The following PXK variants were observed in gnomAD, a reference collection of about 807,000 sequenced individuals.
The protein encoded by PXK is PX domain containing serine/threonine kinase like.
A neutral mutation model predicts 84.7 loss-of-function variants in PXK; 35 were observed. The observed-to-expected ratio is 0.41, with a 90% CI of 0.32 to 0.55. The LOEUF (loss-of-function observed/expected upper bound fraction) is 0.55, where lower values mean the gene tolerates loss of function less well. Among genes scored for constraint, PXK ranks in the 20% least tolerant of loss-of-function variants. The probability of loss-of-function intolerance (pLI) is 0.21; values close to 1 mark genes in which losing one functional copy is unlikely to be tolerated. For synonymous variants in PXK, 253 were observed against 260.8 expected, an observed-to-expected ratio of 0.97 and a Z score of 0.29; for missense variants, 634 against 699.7, an observed-to-expected ratio of 0.91 and a Z score of 1.06.
chr3:58,358,415 A>ACTAAGCGCACT (rs1332319325), intron 1 of PXK, among the ~76,000 whole-genome samples: 1 of 152,208 alleles, frequency 6.6e-6, no homozygotes, highest in Non-Finnish European at 1.5e-5. Context: ...GCTACCAGTA[A>ACTAAGCGCACT]CTAAGCGCAC....
chr3:58,336,071 A>ATATATATAT (rs1284780630), intron 1 of PXK, among the ~76,000 whole-genome samples: 27 of 51,576 alleles, frequency 5.2e-4, no homozygotes, highest in South Asian at 6.3e-4. Context: ...ATATATATAT[A>ATATATATAT]TTTTTTTTTT....
intron 3 of PXK, among the ~76,000 whole-genome samples, chr3:58,378,512 T>TTTG (rs763961222): frequency 1.0e-4 from 3 of 29,102 alleles, no homozygotes; most frequent in African/African-American, 4.0e-4. Flanking sequence ...TTTTTTTTTT[T>TTTG]TGTGTGTGTG....
chr3:58,383,216 C>T lies in PXK; in HGVS notation c.388+516C>T, dbSNP rs1339165932. Among the ~76,000 whole-genome samples, 1 of 152,038 alleles carries T rather than the reference C, an allele frequency of 6.6e-6. No homozygotes were observed. Among genetic ancestry groups the T allele is most frequent in the Non-Finnish European group, 1.5e-5 (1 of 67,992 alleles). Reference sequence around the variant, plus strand: ...CTGAGGCAGGAGAATCGCTTGAACCCGGGAGGTGGAGGTTGCAGTGAGCCG... The same window carrying T: ...CTGAGGCAGGAGAATCGCTTGAACCTGGGAGGTGGAGGTTGCAGTGAGCCG... On this transcript the variant is annotated intron_variant, in intron 4 of 17. Transcript: ENST00000356151. The surrounding 1 kb of genome is among the most constrained non-coding windows in gnomAD (Gnocchi z 4.0).
chr3:58,366,656 G>A (rs1387090346), intron 2 of PXK, among the ~76,000 whole-genome samples: 1 of 152,106 alleles, frequency 6.6e-6, no homozygotes, highest in Non-Finnish European at 1.5e-5. Flanking sequence ...ACACACAGTT[G>A]TCCACACTTG....
chr3:58,404,029 AAATGTCCT>A (rs1329599239), intron 13 of PXK, 119 bp downstream of exon 13: 2 of 548,882 alleles, frequency 3.6e-6, no homozygotes, highest in African/African-American at 3.8e-5. Context: ...GAAATAACCT[AAATGTCCT>A]ACAATTAGGG....
At chr3:58,335,020 TG>T (rs1401973607) in intron 1 of PXK, among the ~76,000 whole-genome samples, 2 of 20,150 alleles carry the variant, frequency 9.9e-5, no homozygotes, top group Non-Finnish European at 1.8e-4. Flanking sequence ...TCCAGGCTGG[TG>T]TGTGTGTGTG....
At chr3:58,384,603 T>C (rs1029220145) in intron 4 of PXK, among the ~76,000 whole-genome samples, 1 of 152,200 alleles carries the variant, frequency 6.6e-6, no homozygotes, top group African/African-American at 2.4e-5. Context: ...TGTTTCACCT[T>C]GATTGTTCCC....
intron 1 of PXK, among the ~76,000 whole-genome samples, chr3:58,354,500 G>A (rs1427539275): frequency 6.7e-6 from 1 of 150,062 alleles, no homozygotes; most frequent in African/African-American, 2.5e-5. Flanking sequence ...AGGCTGGAGT[G>A]CAGTGGCCTG....
intron 1 of PXK, among the ~76,000 whole-genome samples, chr3:58,360,606 C>T (rs2098166852): frequency 6.6e-6 from 1 of 151,986 alleles, no homozygotes; most frequent in Non-Finnish European, 1.5e-5. Context: ...CCAGGGTGGG[C>T]AGATCACTTG....
In PXK at chr3:58,385,266, A is replaced by G. The variant is rs1038081338; in HGVS notation, c.388+2566A>G. On this transcript the variant is annotated intron_variant, in intron 4 of 17. Transcript: ENST00000356151. This position sits in a 1 kb window ranked among gnomAD's most constrained non-coding sequence, Gnocchi z 5.1. ...TCAGAGGGCACAATCCCGGAATTAA[A>G]CAATAGGTGATGGATGCTGTTTTCA... 6.6e-6 allele frequency among the ~76,000 whole-genome samples: 1 copy of G among 152,182 alleles called. No homozygotes were observed. Among genetic ancestry groups the G allele is most frequent in the South Asian group, 2.1e-4 (1 of 4,830 alleles).
At chr3:58,381,011 G>A (rs904097221) in intron 3 of PXK, among the ~76,000 whole-genome samples, 2 of 152,112 alleles carry the variant, frequency 1.3e-5, no homozygotes, top group Admixed American at 6.5e-5. Context: ...CACTTTGGGA[G>A]GCCGAGGTGG....
chr3:58,395,908 A>G, intron 9 of PXK, 149 bp downstream of exon 9: 1 of 622,716 alleles, frequency 1.6e-6, no homozygotes. Context: ...CTCAAAAAGT[A>G]AATATTTGAG....
intron 13 of PXK, 126 bp from the exon 14 acceptor site, chr3:58,408,798 A>G (rs1433305002): frequency 1.4e-6 from 1 of 693,780 alleles, no homozygotes; most frequent in Non-Finnish European, 2.6e-6. Context: ...CTGGGATTAC[A>G]GGCATGAGCC....
chr3:58,397,592 C>G lies in PXK; in HGVS notation c.985-13C>G. The G allele has an allele frequency of 6.2e-7, 1 of 1,603,242 alleles. No homozygotes were observed. Among genetic ancestry groups the G allele is most frequent in the East Asian group, 2.2e-5 (1 of 44,804 alleles). On this transcript the variant is annotated splice_polypyrimidine_tract_variant and intron_variant, in intron 10 of 17. Coordinates refer to ENST00000356151, the MANE Select transcript of PXK (RefSeq NM_017771.5). This position sits in a 1 kb window ranked among gnomAD's most constrained non-coding sequence, Gnocchi z 4.7. Reference sequence around the variant, plus strand: ...AGTGAAGGGTGAACACGCTGCTACTCTTTCTTCCACAGACATTGGAAAGTG... The same window carrying G: ...AGTGAAGGGTGAACACGCTGCTACTGTTTCTTCCACAGACATTGGAAAGTG...
At chr3:58,382,778 G>C in intron 4 of PXK, 78 bp downstream of exon 4, 1 of 1,128,846 alleles carries the variant, frequency 8.9e-7, no homozygotes, top group Non-Finnish European at 1.2e-6. Flanking sequence ...GTATGTGGGA[G>C]AAATGTTTTC....
rs2060176728 is a variant in PXK, at chr3:58,411,390, A to G, written c.1465+1231A>G. On this transcript the variant is annotated intron_variant, in intron 16 of 17. Transcript: ENST00000356151. This position sits in a 1 kb window ranked among gnomAD's most constrained non-coding sequence, Gnocchi z 4.2. ...CTCAGGAAGAGCTGCAAAGGAGAGG[A>G]AGGAGGGGTGGTCCCAATGAGGACC... 6.6e-6 allele frequency among the ~76,000 whole-genome samples: 1 copy of G among 152,098 alleles called. No homozygotes were observed. The highest frequency in any genetic ancestry group is 2.4e-5 in the African/African-American group (1 of 41,422).
At chr3:58,352,162 A>G (rs1282617291) in intron 1 of PXK, among the ~76,000 whole-genome samples, 2 of 152,202 alleles carry the variant, frequency 1.3e-5, no homozygotes, top group Non-Finnish European at 2.9e-5. Context: ...GGGATGGCAC[A>G]TTGTGGCTGA....
intron 2 of PXK, among the ~76,000 whole-genome samples, chr3:58,366,432 A>G (rs1046917234): frequency 1.5e-4 from 23 of 152,138 alleles, no homozygotes; most frequent in African/African-American, 4.8e-4. Flanking sequence ...GTGGCCTCAG[A>G]GAGAAAAGAA....
intron 13 of PXK, among the ~76,000 whole-genome samples, chr3:58,408,035 GT>G (rs2059647714): frequency 6.6e-6 from 1 of 152,252 alleles, no homozygotes; most frequent in Non-Finnish European, 1.5e-5. Context: ...TCCATTTTGA[GT>G]TAATTTTTGT....
Sources: gnomAD v4.1 joint callset for allele counts (sites outside exome capture counted in the v4.1 genomes callset) on GRCh38, gnomAD v4.1.1 for gene constraint, Gnocchi (gnomAD v3.1) non-coding constraint, MANE v1.5 for transcripts, NCBI Gene and HGNC (gene_info 2026-07-23, HGNC 2026-07-21) for gene names.